The following PASD1 variants were observed in gnomAD, a reference collection of about 807,000 sequenced individuals.
PASD1 encodes circadian clock protein PASD1.
Under a neutral mutation model 58.8 loss-of-function variants are expected in PASD1, and 13 were observed. The observed-to-expected ratio is 0.22, with a 90% CI of 0.14 to 0.35. The LOEUF (loss-of-function observed/expected upper bound fraction) is 0.35. Among genes scored for constraint, PASD1 ranks in the 10% least tolerant of loss-of-function variants. The pLI is 1.00. For missense variants in PASD1, 734 were observed against 568.3 expected (o/e 1.29, Z -2.96); for synonymous variants, 236 against 216.7 (o/e 1.09, Z -0.78).
At chrX:151,623,130 C>G (rs774078242) in intron 7 of PASD1, 66 bp downstream of exon 7, 31 of 1,138,605 alleles carry the variant, frequency 2.7e-5, no homozygotes, top group Non-Finnish European at 3.7e-5. Context: ...GGGTCACTTC[C>G]CCTTTGGTCT....
intron 1 of PASD1, among the ~76,000 whole-genome samples, chrX:151,571,636 T>C (rs1379413872): frequency 8.9e-6 from 1 of 112,487 alleles, no homozygotes. Context: ...ACAATTCTTG[T>C]CAAATAGAGG....
chrX:151,564,602 C>T (rs927397587), intron 1 of PASD1, among the ~76,000 whole-genome samples: 7 of 110,128 alleles, frequency 6.4e-5, no homozygotes, highest in Non-Finnish European at 1.3e-4. Context: ...ATCTGAAGAC[C>T]GATAATGGAG....
At chrX:151,576,285 C>T (rs918355495) in intron 1 of PASD1, among the ~76,000 whole-genome samples, 1 of 111,634 alleles carries the variant, frequency 9.0e-6, no homozygotes, top group Non-Finnish European at 1.9e-5. Context: ...GGATTGTAGG[C>T]GTGAGCCACC....
intron 13 of PASD1, 39 bp downstream of exon 13, chrX:151,671,818 A>G (rs1287603017): frequency 8.6e-7 from 1 of 1,159,129 alleles, no homozygotes; most frequent in Non-Finnish European, 1.2e-6. Flanking sequence ...CTGAAAGGGG[A>G]TTTTGTTTTC....
intron 1 of PASD1, among the ~76,000 whole-genome samples, chrX:151,579,453 T>A (rs1390259992): frequency 8.9e-6 from 1 of 111,924 alleles, no homozygotes; most frequent in Non-Finnish European, 1.9e-5. Context: ...AGAATCCAAG[T>A]CAAAGGATAA....
At chrX:151,614,076 C>T (rs956444559) in intron 4 of PASD1, among the ~76,000 whole-genome samples, 20 of 110,012 alleles carry the variant, frequency 1.8e-4, no homozygotes, top group African/African-American at 5.3e-4. Flanking sequence ...CCTCTGCCTC[C>T]TGGGTTCAAG....
chrX:151,622,224 G>A (rs1377040331), intron 6 of PASD1, among the ~76,000 whole-genome samples: 2 of 110,963 alleles, frequency 1.8e-5, no homozygotes, highest in Admixed American at 9.6e-5. Context: ...TTCAGAAACT[G>A]CAAGCTGAGA....
intron 1 of PASD1, among the ~76,000 whole-genome samples, chrX:151,588,901 C>T (rs1344352534): frequency 3.6e-5 from 4 of 112,105 alleles, no homozygotes; most frequent in African/African-American, 9.7e-5. Context: ...TTTTAATACA[C>T]CTGCCCATTG....
At chrX:151,579,149 A>G (rs2013050860) in intron 1 of PASD1, among the ~76,000 whole-genome samples, 1 of 112,057 alleles carries the variant, frequency 8.9e-6, no homozygotes, top group Admixed American at 9.5e-5. Context: ...AGTGTATATG[A>G]TTGGAATTCT....
intron 1 of PASD1, among the ~76,000 whole-genome samples, chrX:151,595,991 T>C (rs1407245766): frequency 9.0e-6 from 1 of 111,566 alleles, no homozygotes; most frequent in East Asian, 2.8e-4. Flanking sequence ...ATCTCAAAGA[T>C]CACAGGCATG....
At chrX:151,576,491 A>G (rs2013008945) in intron 1 of PASD1, among the ~76,000 whole-genome samples, 1 of 112,473 alleles carries the variant, frequency 8.9e-6, no homozygotes, top group Non-Finnish European at 1.9e-5. Context: ...GATGTTCTTG[A>G]TTTTCACCAA....
intron 11 of PASD1, among the ~76,000 whole-genome samples, chrX:151,669,123 T>G (rs1028275622): frequency 9.3e-6 from 1 of 107,314 alleles, no homozygotes; most frequent in Admixed American, 1.0e-4. Context: ...TAGAATTTTG[T>G]TTATTTTTGA....
At chrX:151,670,838 A>G (rs1264455202) in intron 11 of PASD1, among the ~76,000 whole-genome samples, 200 bp from the exon 12 acceptor site, 1 of 111,846 alleles carries the variant, frequency 8.9e-6, no homozygotes, top group Non-Finnish European at 1.9e-5. Context: ...AGGCTAAATG[A>G]TCTCCGTGGT....
intron 4 of PASD1, among the ~76,000 whole-genome samples, chrX:151,613,201 T>C (rs59051309): frequency 0.069 from 7,710 of 111,506 alleles, 255 homozygotes; most frequent in African/African-American, 0.11. Context: ...ACCAGTACCA[T>C]GCTGTTTTGG....
rs1267680757 is a variant in PASD1, at chrX:151,674,012, C to T, written c.2001C>T (p.Ser667=). ...CAAACTCTGAGGCAATTTCTTCTTC[C>T]AGCATTCCTCAGTTTCCCATAACTT... ...DTSNSEAISS[S]SIPQFPITSD... Residue 667 remains serine, a synonymous_variant, in exon 15 of 16, where the codon TCC becomes TCT. Transcript: ENST00000370357. 3 of 1,209,434 alleles carry T rather than the reference C, an allele frequency of 2.5e-6. No individual in the cohort carries two copies. The highest frequency in any genetic ancestry group is 2.2e-6 in the Non-Finnish European group (2 of 894,556).
chrX:151,565,796 G>A (rs2012832588), intron 1 of PASD1, among the ~76,000 whole-genome samples: 3 of 111,405 alleles, frequency 2.7e-5, no homozygotes, highest in African/African-American at 9.8e-5. Flanking sequence ...CTGACCTGGT[G>A]ATCCGCCCGC....
Position 151,675,086 on chromosome X carries a change from C to T in PASD1, c.2175+900C>T, listed in dbSNP as rs145812970. Among the ~76,000 whole-genome samples, 122 of 111,749 alleles carry T rather than the reference C, an allele frequency of 1.1e-3. No homozygotes were observed. In the East Asian group the frequency reaches 0.029, roughly 26 times the overall value. ...CAGACTTTGTTGAGAACATCTTTCA[C>T]GCCTATTTTTGAGGCACTTTCCCTC... On this transcript the variant is annotated intron_variant, in intron 15 of 15. Coordinates refer to ENST00000370357, the MANE Select transcript of PASD1 (RefSeq NM_173493.3).
chrX:151,653,226 C>G (rs952315417), intron 9 of PASD1, among the ~76,000 whole-genome samples: 2 of 106,345 alleles, frequency 1.9e-5, no homozygotes, highest in African/African-American at 6.9e-5. Context: ...AAGTTTCGCC[C>G]TTGTCACTCA....
Position 151,581,227 on chromosome X carries a change from C to CAAAAAAAAAAAAAAA in PASD1, c.-28+17400_-28+17414dup, listed in dbSNP as rs55664238. On this transcript the variant is annotated intron_variant, in intron 1 of 15. Coordinates refer to ENST00000370357, the MANE Select transcript of PASD1 (RefSeq NM_173493.3). ...TAGGCAACAGAGTAAAGCTCTGTAT[C>CAAAAAAAAAAAAAAA]AAAAAAAAAAAAAAAAAAAAAAAAA... Among the ~76,000 whole-genome samples the CAAAAAAAAAAAAAAA allele has an allele frequency of 5.3e-3, 166 of 31,482 alleles. 12 individuals are homozygous for CAAAAAAAAAAAAAAA. Among genetic ancestry groups the CAAAAAAAAAAAAAAA allele is most frequent in the Middle Eastern group, 0.034 (1 of 29 alleles). 27.3% of individuals were successfully genotyped at this position (31,482 alleles called of 115,157 possible).
Sources: gnomAD v4.1 joint callset for allele counts (sites outside exome capture counted in the v4.1 genomes callset) on GRCh38, gnomAD v4.1.1 for gene constraint, MANE v1.5 for transcripts, NCBI Gene and HGNC (gene_info 2026-07-23, HGNC 2026-07-21) for gene names.